The following NUP62 variants were observed in gnomAD, a reference collection of about 807,000 sequenced individuals.
The protein encoded by NUP62 is nuclear pore glycoprotein p62.
For synonymous variants in NUP62, 305 were observed against 303.4 expected (o/e 1.01, Z -0.05); for missense variants, 647 against 689.4 (o/e 0.94, Z 0.69).
chr19:49,917,581 G>C (rs2075656305), intron 2 of NUP62: 1 of 152,266 alleles, frequency 6.6e-6, no homozygotes, highest in African/African-American at 2.4e-5. Context: ...GTGGGTCAGG[G>C]TCTGGGTTAT....
intron 2 of NUP62, among the ~76,000 whole-genome samples, chr19:49,923,179 G>T (rs1409183933): frequency 6.6e-6 from 1 of 152,164 alleles, no homozygotes; most frequent in Non-Finnish European, 1.5e-5. Flanking sequence ...GGCAGCCTGT[G>T]CTGTCTCCCA....
At chr19:49,927,254 G>C (rs1368897745) in intron 2 of NUP62, among the ~76,000 whole-genome samples, 2 of 152,106 alleles carry the variant, frequency 1.3e-5, no homozygotes, top group Admixed American at 1.3e-4. Flanking sequence ...AGTAAGAGGG[G>C]TGCAGTCAAG....
At chr19:49,918,848 GGCCGGGC>G (rs2075689043) in intron 2 of NUP62, among the ~76,000 whole-genome samples, 1 of 149,480 alleles carries the variant, frequency 6.7e-6, no homozygotes, top group Non-Finnish European at 1.5e-5. Context: ...ATAAAAGCTA[GGCCGGGC>G]GCAGTGGCTC....
rs1192648135 is a variant in NUP62 at position 49,908,359 on chromosome 19, G to A, written c.1449C>T (p.Asp483=). 3 of 1,614,204 alleles carry A rather than the reference G, an allele frequency of 1.9e-6. No individual in the cohort carries two copies. The highest frequency in any genetic ancestry group is 1.7e-6 in the Non-Finnish European group (2 of 1,180,044). The change falls in exon 3 of 3, where the codon GAC becomes GAT. Residue 483 remains aspartate, a synonymous_variant. Transcript: ENST00000352066. ...AGTTCTGGTCGATCCACTGCAGTGA[G>A]TCCATGTGCGCATTGAGGATCTTGC... ...QICKILNAHM[D]SLQWIDQNSA...
chr19:49,918,951 A>G (rs868471442), intron 2 of NUP62, among the ~76,000 whole-genome samples: 76 of 148,668 alleles, frequency 5.1e-4, no homozygotes, highest in African/African-American at 1.8e-3. Flanking sequence ...GGAGTTTGAG[A>G]CCAGCCTGAC....
intron 2 of NUP62, among the ~76,000 whole-genome samples, chr19:49,913,446 C>T (rs1393650609): frequency 6.6e-6 from 1 of 152,208 alleles, no homozygotes; most frequent in East Asian, 1.9e-4. Flanking sequence ...TTGGGTCATA[C>T]AGTATCAGCA....
chr19:49,919,512 C>T (rs1380094970), intron 2 of NUP62, among the ~76,000 whole-genome samples: 2 of 152,214 alleles, frequency 1.3e-5, no homozygotes, highest in African/African-American at 2.4e-5. Context: ...AAAATCCTGC[C>T]TCTGCCACTT....
chr19:49,918,905 G>T (rs1381640840), intron 2 of NUP62, among the ~76,000 whole-genome samples: 3 of 147,662 alleles, frequency 2.0e-5, no homozygotes, highest in Non-Finnish European at 4.5e-5. Flanking sequence ...TGGGGGGGGG[G>T]GGGCGGGGTG....
intron 2 of NUP62, among the ~76,000 whole-genome samples, chr19:49,922,711 GAA>G (rs879873471): frequency 2.4e-4 from 35 of 144,202 alleles, no homozygotes; most frequent in Non-Finnish European, 4.7e-4. Flanking sequence ...GGATCTCACA[GAA>G]AAAAAAAAAA....
rs1446659833 is a variant in NUP62, at chr19:49,925,466, A to AAAG, written c.-78+2227_-78+2228insCTT. Among the ~76,000 whole-genome samples the AAAG allele has an allele frequency of 1.0e-3, 144 of 143,456 alleles. 3 individuals carry two copies. Among genetic ancestry groups the AAAG allele is most frequent in the South Asian group, 3.7e-3 (17 of 4,592 alleles). The allele number at this position is 143,456 out of a possible 152,430, so 94.1% of individuals were successfully genotyped here. On this transcript the variant is annotated intron_variant, in intron 2 of 2. Coordinates refer to ENST00000352066, the MANE Select transcript of NUP62 (RefSeq NM_016553.5). ...AAAAAAGCCAAAAAAAAAAAAAAAT[A>AAAG]GCATCCTACCTGGCCATCCTCTCAA...
At chr19:49,917,089 T>C (rs2075644486) in intron 2 of NUP62, among the ~76,000 whole-genome samples, 1 of 152,104 alleles carries the variant, frequency 6.6e-6, no homozygotes, top group African/African-American at 2.4e-5. Flanking sequence ...TATTTCAGAT[T>C]TGGGGGAAGT....
Position 49,909,626 on chromosome 19 carries a change from G to A in NUP62, c.182C>T (p.Ser61Leu). The A allele has an allele frequency of 6.2e-7, 1 of 1,614,242 alleles. No homozygotes were observed. The highest frequency in any genetic ancestry group is 8.5e-7 in the Non-Finnish European group (1 of 1,180,046). ...TGTGGCCGGAGTCTGGGTGGCAAGTGAGAACAGGCCGGTGGAAGGGGTACT... is the reference window on the plus strand; with the variant it reads ...TGTGGCCGGAGTCTGGGTGGCAAGTAAGAACAGGCCGGTGGAAGGGGTACT... ...ATSTPSTGLF[S>L]LATQTPATQT... Residue 61 changes from serine to leucine, a missense_variant, in exon 3 of 3, where the codon TCA (serine) becomes TTA (leucine). Physicochemically the swap from Ser to Leu is moderately radical, Grantham distance 145. Coordinates refer to ENST00000352066, the MANE Select transcript of NUP62 (RefSeq NM_016553.5).
intron 2 of NUP62, among the ~76,000 whole-genome samples, chr19:49,920,552 G>C (rs1198158626): frequency 1.3e-5 from 2 of 152,196 alleles, no homozygotes; most frequent in South Asian, 2.1e-4. Context: ...AACCAACCAG[G>C]GGGTGCTGGG....
chr19:49,927,492 G>C (rs944073016), intron 2 of NUP62, among the ~76,000 whole-genome samples: 1 of 152,160 alleles, frequency 6.6e-6, no homozygotes. Flanking sequence ...CCACGGGTGG[G>C]ACAAGCTCAG....
At chr19:49,916,904 G>A (rs113493051) in intron 2 of NUP62, among the ~76,000 whole-genome samples, 24,085 of 152,290 alleles carry the variant, frequency 0.16, 2,463 homozygotes, top group Non-Finnish European at 0.23. Context: ...CTGGGCGGCT[G>A]AGCGAGACCC....
At chr19:49,918,922 G>A (rs575123922) in intron 2 of NUP62, among the ~76,000 whole-genome samples, 1 of 150,828 alleles carries the variant, frequency 6.6e-6, no homozygotes, top group East Asian at 2.0e-4. Flanking sequence ...GGTGTGGGGG[G>A]GCGGATCACC....
chr19:49,908,947 G>A lies in NUP62; in HGVS notation c.861C>T (p.Thr287=), dbSNP rs202129446. 1.7e-5 allele frequency: 28 copies of A among 1,609,510 alleles called. No individual in the cohort carries two copies. The East Asian group carries it at 5.8e-4, about 33-fold the overall frequency. The change falls in exon 3 of 3, where the codon ACC becomes ACT. Residue 287 remains threonine (T), a synonymous_variant. Transcript: ENST00000352066. The stretch of plus-strand genomic sequence containing the variant: ...GTTTTAAATTCAAGGCAAAGCCGGT[G>A]GTGCTGCTGCTGCTGGTGGTGGTGG... ...ATATTTSSSS[T]TGFALNLKPL... is the part of the protein sequence containing the mutation.
At position 49,921,757 on chromosome 19, in the gene NUP62, C is replaced by T. The variant is rs570702395; in HGVS notation, c.-78+5937G>A. Among the ~76,000 whole-genome samples, 16 of 152,318 alleles carry T rather than the reference C, an allele frequency of 1.1e-4. No homozygotes were observed. In the South Asian group the frequency reaches 2.5e-3, roughly 24 times the overall value. ...ATGGTTCCCCGCCTCTGCCTCTCCC[C>T]GCAGCTCCGACCATGACCATCCATC... On this transcript the variant is annotated intron_variant, in intron 2 of 2. Coordinates refer to ENST00000352066, the MANE Select transcript of NUP62 (RefSeq NM_016553.5). This position sits in a 1 kb window ranked among gnomAD's most constrained non-coding sequence, Gnocchi z 5.4.
At chr19:49,916,501 C>CGGT (rs2075627289) in intron 2 of NUP62, among the ~76,000 whole-genome samples, 3 of 151,122 alleles carry the variant, frequency 2.0e-5, no homozygotes. Context: ...AGGCCAGGCG[C>CGGT]GGTGGCTCAC....
Sources: allele counts gnomAD v4.1 joint callset (sites outside exome capture counted in the v4.1 genomes callset), GRCh38; gene constraint gnomAD v4.1.1; non-coding constraint Gnocchi (gnomAD v3.1); transcripts MANE v1.5; gene names NCBI Gene and HGNC (gene_info 2026-07-23, HGNC 2026-07-21).